KDM5D: variants seen among roughly 807,000 people sequenced by gnomAD.
The protein encoded by KDM5D is lysine-specific demethylase 5D.
A neutral mutation model predicts 31.9 loss-of-function variants in KDM5D; 25 were observed. The observed-to-expected ratio is 0.78, with a 90% CI of 0.57 to 1.09. The LOEUF is 1.09. Among genes scored for constraint, KDM5D ranks in the 50% least tolerant of loss-of-function variants. The pLI is 0.00. For synonymous variants in KDM5D, 146 were observed against 122.3 expected, an observed-to-expected ratio of 1.19 and a Z score of -1.28; for missense variants, 366 against 341.6, an observed-to-expected ratio of 1.07 and a Z score of -0.56.
chrY:19,732,829 A>G, intron 8 of KDM5D, 87 bp from the exon 9 acceptor site: 2 of 189,039 alleles, frequency 1.1e-5, no homozygotes. Context: ...ATGAACATCT[A>G]TCATTAGTCA....
chrY:19,726,986 TTG>T (rs2032634), intron 11 of KDM5D, among the ~76,000 whole-genome samples: 9 of 33,487 alleles, frequency 2.7e-4, no homozygotes, highest in South Asian at 2.7e-3. Context: ...TTCAACTACA[TTG>T]TGGTTAGACG....
At chrY:19,729,767 G>C (rs2045459257) in intron 11 of KDM5D, among the ~76,000 whole-genome samples, 2 of 33,544 alleles carry the variant, frequency 6.0e-5, no homozygotes, top group African/African-American at 1.2e-4. Flanking sequence ...TAAGCTAATG[G>C]AAAGTGTTTG....
At position 19,716,517 on chromosome Y, in the gene KDM5D, A is replaced by G; in HGVS notation, c.1837-44T>C. The G allele has an allele frequency of 7.7e-6, 3 of 391,817 alleles. No homozygotes were observed. The East Asian group carries it at 2.8e-4, about 36-fold the overall frequency. On this transcript the variant is annotated intron_variant, in intron 14 of 26. Transcript: ENST00000317961. The stretch of plus-strand genomic sequence containing the variant: ...TTGTGTGTGGCTATCTGGAGACCAC[A>G]ATGCATAGCTTCTCCACAATAATCC...
Position 19,732,054 on chromosome Y carries a change from G to C in KDM5D, c.1204C>G (p.Pro402Ala). 1 of 397,541 alleles carries C rather than the reference G, an allele frequency of 2.5e-6. No homozygotes were observed. Among genetic ancestry groups the C allele is most frequent in the South Asian group, 3.0e-5 (1 of 33,744 alleles). ...DSFKSDYFNM[P>A]VHMVPTELVE... ...GCCCTCAGATCACATACATGTACAG[G>C]CATGTTGAAGTAGTCGGACTTGAAG... is the stretch of plus-strand genomic sequence containing the variant. Residue 402 changes from proline (P) to alanine (A), a missense_variant, in exon 10 of 27, where the codon CCT (proline) becomes GCT (alanine). Physicochemically the swap from Pro to Ala is conservative, Grantham distance 27. Transcript: ENST00000317961.
intron 5 of KDM5D, among the ~76,000 whole-genome samples, chrY:19,740,496 G>A (rs2045541969): frequency 3.0e-5 from 1 of 32,822 alleles, no homozygotes. Context: ...TCCAGGAGGT[G>A]GAGGCCGCCT....
At chrY:19,714,361 T>C in intron 18 of KDM5D, among the ~76,000 whole-genome samples, 1 of 33,626 alleles carries the variant, frequency 3.0e-5, no homozygotes, top group Admixed American at 2.7e-4. Context: ...CTTTTTAAGA[T>C]ACCGTTATAT....
At chrY:19,732,209 C>CA (rs2045477839) in intron 9 of KDM5D, 44 bp from the exon 10 acceptor site, 3 of 350,205 alleles carry the variant, frequency 8.6e-6, no homozygotes, top group African/African-American at 6.9e-5. Flanking sequence ...AATAAAGATC[C>CA]AAAAAAACAG....
chrY:19,718,937 G>A (rs2045369116), intron 13 of KDM5D, among the ~76,000 whole-genome samples: 1 of 33,103 alleles, frequency 3.0e-5, no homozygotes, highest in African/African-American at 1.2e-4. Flanking sequence ...TTGGGAGGCC[G>A]AGGCGGGCGG....
At position 19,707,327 on chromosome Y, in the gene KDM5D, A is replaced by G; in HGVS notation, c.3819T>C (p.Ile1273=). 5.1e-6 allele frequency: 2 copies of G among 395,264 alleles called. No individual in the cohort carries two copies. Among genetic ancestry groups the G allele is most frequent in the South Asian group, 6.1e-5 (2 of 33,029 alleles). Residue 1273 remains isoleucine (I), a synonymous_variant, in exon 24 of 27, where the codon ATT becomes ATC. Transcript: ENST00000317961. The stretch of plus-strand genomic sequence containing the variant: ...CCTTTCTGGCACGGTCTTGCCAGCC[A>G]ATGGCCCTCTCTGTGAGACACTGAA... The part of the protein sequence containing the change: ...EALQCLTERA[I]GWQDRARKAL...
intron 11 of KDM5D, among the ~76,000 whole-genome samples, chrY:19,731,414 T>C (rs781496084): frequency 2.1e-4 from 7 of 33,638 alleles, no homozygotes; most frequent in African/African-American, 8.1e-4. Flanking sequence ...AGATACTTCT[T>C]TCCGCCCTTC....
chrY:19,737,413 T>C, intron 6 of KDM5D, among the ~76,000 whole-genome samples: 1 of 33,546 alleles, frequency 3.0e-5, no homozygotes, highest in South Asian at 6.8e-4. Context: ...TTAAACACTT[T>C]TGATTTATTA....
chrY:19,715,923 A>G lies in KDM5D; in HGVS notation c.2113T>C (p.Phe705Leu), dbSNP rs763346143. 2.5e-6 allele frequency: 1 copy of G among 398,624 alleles called. No individual in the cohort carries two copies. Among genetic ancestry groups the G allele is most frequent in the Non-Finnish European group, 3.5e-6 (1 of 283,298 alleles). Reference sequence around the variant, plus strand: ...TCGTAGCAGGCCAGGGCTGACAAGAAGCACGTGGTCTTGCACTTGATGCAC... The same window carrying G: ...TCGTAGCAGGCCAGGGCTGACAAGAGGCACGTGGTCTTGCACTTGATGCAC... ...RQCIKCKTTCFLSALACYDCP... is the reference protein window; with the variant it reads ...RQCIKCKTTCLLSALACYDCP... The change falls in exon 16 of 27, where the codon TTC (phenylalanine) becomes CTC (leucine). Residue 705 changes from phenylalanine (F) to leucine (L), a missense_variant. Physicochemically the swap from Phe to Leu is conservative, Grantham distance 22. Transcript: ENST00000317961.
chrY:19,728,637 C>T (rs2045450717), intron 11 of KDM5D, among the ~76,000 whole-genome samples: 1 of 32,978 alleles, frequency 3.0e-5, no homozygotes, highest in Non-Finnish European at 7.4e-5. Context: ...AGATTACAGG[C>T]GTGAGCCACT....
At chrY:19,711,196 G>A in intron 18 of KDM5D, among the ~76,000 whole-genome samples, 1 of 33,225 alleles carries the variant, frequency 3.0e-5, no homozygotes, top group Admixed American at 2.7e-4. Flanking sequence ...GAAAACTTGA[G>A]GCAGATTAAA....
At chrY:19,713,941 C>A (rs2045316712) in intron 18 of KDM5D, among the ~76,000 whole-genome samples, 2 of 33,533 alleles carry the variant, frequency 6.0e-5, no homozygotes, top group African/African-American at 2.3e-4. Flanking sequence ...AAAACTGGTA[C>A]ATATACACCA....
Position 19,715,509 on chromosome Y carries a change from G to C in KDM5D, c.2339-10C>G. The C allele has an allele frequency of 2.5e-6, 1 of 398,330 alleles. No homozygotes were observed. The highest frequency in any genetic ancestry group is 3.5e-6 in the Non-Finnish European group (1 of 283,291). ...CTTAGCTCTTCAAAGCCTGGAGAGT[G>C]TAAGTTGCAACAGGTAGGCAGTGTT... is the stretch of plus-strand genomic sequence containing the variant. On this transcript the variant is annotated splice_polypyrimidine_tract_variant and intron_variant, in intron 17 of 26. Transcript: ENST00000317961.
At chrY:19,739,449 C>A in intron 6 of KDM5D, 79 bp downstream of exon 6, 1 of 257,410 alleles carries the variant, frequency 3.9e-6, no homozygotes, top group South Asian at 3.6e-5. Flanking sequence ...ATGCATTCAG[C>A]AATGAATTTT....
chrY:19,720,375 C>T (rs911498164), intron 13 of KDM5D, among the ~76,000 whole-genome samples: 2 of 33,088 alleles, frequency 6.0e-5, no homozygotes, highest in Non-Finnish European at 1.5e-4. Flanking sequence ...GCTTATAAAG[C>T]GGTTAACTCA....
intron 8 of KDM5D, among the ~76,000 whole-genome samples, chrY:19,735,082 C>T: frequency 6.1e-5 from 2 of 32,640 alleles, no homozygotes; most frequent in African/African-American, 2.4e-4. Context: ...CTATATTAAG[C>T]TGTAAAAGTT....
Sources: allele counts gnomAD v4.1 joint callset (sites outside exome capture counted in the v4.1 genomes callset), GRCh38; gene constraint gnomAD v4.1.1; transcripts MANE v1.5; gene names NCBI Gene and HGNC (gene_info 2026-07-23, HGNC 2026-07-21).